The following RP1 variants were observed in gnomAD, a reference collection of about 807,000 sequenced individuals.
The protein encoded by RP1 is RP1 axonemal microtubule associated.
A neutral mutation model predicts 14.8 loss-of-function variants in RP1; 16 were observed. The ratio of observed to expected loss-of-function variants is 1.08; its 90% CI spans 0.73 to 1.65. RP1 has a LOEUF of 1.65. RP1 is among the 40% of genes most tolerant of loss of function. RP1 has a pLI of 0.00. For missense variants in RP1, 2,631 were observed against 2,535.0 expected (o/e 1.04, Z -0.81); for synonymous variants, 876 against 883.6 (o/e 0.99, Z 0.15).
At chr8:54,847,635 C>T (rs1334653013) in intron 25 of RP1, among the ~76,000 whole-genome samples, 3 of 152,236 alleles carry the variant, frequency 2.0e-5, no homozygotes, top group African/African-American at 4.8e-5. Flanking sequence ...GAACTGTACT[C>T]GGTTACCTTT....
chr8:54,630,522 G>T lies in RP1; in HGVS notation c.*169G>T. ...CCAGTTTGACTTTCATAATGTCTCT[G>T]TTTTTTGTTTTTCCAACAATTACAG... On this transcript the variant is annotated 3_prime_UTR_variant, in exon 4 of 4. Coordinates refer to ENST00000220676, the MANE Select transcript of RP1 (RefSeq NM_006269.2). 5.1e-6 allele frequency: 7 copies of T among 1,384,548 alleles called. No individual in the cohort carries two copies. The highest frequency in any genetic ancestry group is 1.7e-5 in the South Asian group (1 of 59,366). The allele number at this position is 1,384,548 out of a possible 1,614,324, so 85.8% of individuals were successfully genotyped here. A position where few individuals can be genotyped will look rare whatever the true frequency, so the allele number is the denominator to read the frequency against.
intron 24 of RP1, among the ~76,000 whole-genome samples, chr8:54,834,574 T>A (rs1264473743): frequency 1.3e-5 from 2 of 152,068 alleles, no homozygotes; most frequent in African/African-American, 4.8e-5. Context: ...GAAAGTTTTA[T>A]TTTCCAGTTC....
chr8:54,654,895 C>T (rs1445034051), intron 5 of RP1, among the ~76,000 whole-genome samples: 2 of 152,166 alleles, frequency 1.3e-5, no homozygotes, highest in Non-Finnish European at 2.9e-5. Flanking sequence ...AGTCTGCCCA[C>T]CTTGGGCCCA....
At chr8:54,843,024 G>A (rs1408769834) in intron 25 of RP1, among the ~76,000 whole-genome samples, 1 of 152,028 alleles carries the variant, frequency 6.6e-6, no homozygotes, top group Non-Finnish European at 1.5e-5. Context: ...CCCAACTGTG[G>A]CATCCCTTTT....
intron 4 of RP1, among the ~76,000 whole-genome samples, chr8:54,649,869 A>G (rs1806621830): frequency 6.6e-6 from 1 of 152,214 alleles, no homozygotes; most frequent in Admixed American, 6.5e-5. Flanking sequence ...CAACCACAGG[A>G]GAGGCTGAAC....
At chr8:54,737,938 A>G (rs1808975827) in intron 18 of RP1, among the ~76,000 whole-genome samples, 1 of 152,184 alleles carries the variant, frequency 6.6e-6, no homozygotes, top group African/African-American at 2.4e-5. Flanking sequence ...TAGAAATAAT[A>G]ACAATGGCTA....
chr8:54,733,319 A>G (rs1361171804), intron 17 of RP1, among the ~76,000 whole-genome samples: 2 of 152,168 alleles, frequency 1.3e-5, no homozygotes, highest in African/African-American at 4.8e-5. Context: ...AACATGCAAC[A>G]CAGAACCCTG....
rs1377545580 is a variant in RP1 at position 54,825,622 on chromosome 8, C to T, written c.3616-11828C>T. Among the ~76,000 whole-genome samples the T allele has an allele frequency of 2.0e-5, 3 of 152,114 alleles. No individual in the cohort carries two copies. The South Asian group carries it at 6.2e-4, about 31-fold the overall frequency. ...GTGTTCTATACATGTCTATCAGACC[C>T]TGCTGGTTGTTGGTATTAGTTCTAT... On this transcript the variant is annotated intron_variant, in intron 24 of 28. Transcript: ENST00000637698.
At chr8:54,724,275 A>T (rs1808600167) in intron 16 of RP1, among the ~76,000 whole-genome samples, 1 of 152,250 alleles carries the variant, frequency 6.6e-6, no homozygotes, top group South Asian at 2.1e-4. Flanking sequence ...CACTAATATG[A>T]CACTATAATA....
chr8:54,783,616 T>C, exon 24 of RP1: 1 of 1,231,612 alleles, frequency 8.1e-7, no homozygotes. Flanking sequence ...ACAGTGTTCC[T>C]TTATGTCTAT....
intron 19 of RP1, among the ~76,000 whole-genome samples, chr8:54,753,552 C>T (rs1809425573): frequency 6.6e-6 from 1 of 152,122 alleles, no homozygotes; most frequent in African/African-American, 2.4e-5. Context: ...CTGTTCTAAG[C>T]AGAGCTACGA....
chr8:54,644,665 C>A (rs550216048), intron 3 of RP1, among the ~76,000 whole-genome samples: 3 of 152,318 alleles, frequency 2.0e-5, no homozygotes, highest in Non-Finnish European at 2.9e-5. Context: ...TTTGTTACAG[C>A]AGCACCCCAC....
chr8:54,714,424 T>G (rs1032519779), intron 15 of RP1, among the ~76,000 whole-genome samples: 2 of 152,142 alleles, frequency 1.3e-5, no homozygotes, highest in Non-Finnish European at 2.9e-5. Flanking sequence ...AATCTAAGAT[T>G]GGAGTTTGGG....
intron 24 of RP1, among the ~76,000 whole-genome samples, chr8:54,792,710 A>G (rs1482677457): frequency 6.6e-6 from 1 of 151,972 alleles, no homozygotes; most frequent in Admixed American, 6.6e-5. Flanking sequence ...AGGAAAGTTT[A>G]TAACTGTAAA....
At chr8:54,634,442 T>C (rs529694652), downstream of RP1, among the ~76,000 whole-genome samples, 2 of 152,316 alleles carry the variant, frequency 1.3e-5, no homozygotes, top group East Asian at 3.9e-4. Context: ...ATCTGTGTTT[T>C]TACAATTTGC....
chr8:54,850,980 G>A (rs1812047330), intron 25 of RP1, among the ~76,000 whole-genome samples: 2 of 152,170 alleles, frequency 1.3e-5, no homozygotes, highest in Non-Finnish European at 2.9e-5. Flanking sequence ...GCTCAACTAT[G>A]ATAACCACCT....
intron 1 of RP1, among the ~76,000 whole-genome samples, chr8:54,607,795 G>T (rs1198694291): frequency 1.3e-5 from 2 of 152,194 alleles, no homozygotes; most frequent in Non-Finnish European, 2.9e-5. Flanking sequence ...ATCTCAGACT[G>T]CTGTGCTAGC....
rs372225314 is a variant in RP1, at chr8:54,741,707, G to GTATATATATA, written c.2808+2712_2808+2721dup. 4.7e-3 allele frequency among the ~76,000 whole-genome samples: 273 copies of GTATATATATA among 57,986 alleles called. 6 individuals carry two copies. The highest frequency in any genetic ancestry group is 6.5e-3 in the Non-Finnish European group (204 of 31,618). 38.0% of individuals were successfully genotyped at this position (57,986 alleles called of 152,430 possible). A position where few individuals can be genotyped will look rare whatever the true frequency, so the allele number is the denominator to read the frequency against. On this transcript the variant is annotated intron_variant, in intron 19 of 22. Transcript: ENST00000636932. ...TGTACATATAAATACAAATGTGTGT[G>GTATATATATA]TATATATATATATATATATATATAT...
At chr8:54,708,353 GT>G (rs529900167) in intron 15 of RP1, among the ~76,000 whole-genome samples, 55 of 144,156 alleles carry the variant, frequency 3.8e-4, no homozygotes, top group African/African-American at 5.1e-4. Flanking sequence ...GTGATTTCTG[GT>G]TTTTTTTTTT....
Sources: allele counts gnomAD v4.1 joint callset (sites outside exome capture counted in the v4.1 genomes callset), GRCh38; gene constraint gnomAD v4.1.1; transcripts MANE v1.5; gene names NCBI Gene and HGNC (gene_info 2026-07-23, HGNC 2026-07-21).